The following FAM78B variants were observed in gnomAD, a reference collection of about 807,000 sequenced individuals.
FAM78B encodes the protein protein FAM78B.
A neutral mutation model predicts 20.0 loss-of-function variants in FAM78B; 10 were observed. The observed-to-expected ratio is 0.50, with a 90% confidence interval of 0.31 to 0.85. The LOEUF (loss-of-function observed/expected upper bound fraction) is 0.85. Ranked by LOEUF, FAM78B falls within the 40% of genes least tolerant of loss-of-function variation. FAM78B has a pLI of 0.05. For synonymous variants in FAM78B, 135 were observed against 132.8 expected (o/e 1.02, Z -0.12); for missense variants, 283 against 345.0 (o/e 0.82, Z 1.42).
At chr1:166,150,917 T>A (rs994893621) in intron 1 of FAM78B, among the ~76,000 whole-genome samples, 7 of 152,158 alleles carry the variant, frequency 4.6e-5, no homozygotes, top group Non-Finnish European at 1.0e-4. Flanking sequence ...AGAACTTGTC[T>A]CTACCTATAT....
chr1:166,090,308 C>G (rs980868024), intron 1 of FAM78B, among the ~76,000 whole-genome samples: 1 of 152,190 alleles, frequency 6.6e-6, no homozygotes, highest in Non-Finnish European at 1.5e-5. Flanking sequence ...ATTTTCTAAG[C>G]CTGGTCATCA....
rs1442549124 is a variant in FAM78B at position 166,070,179 on chromosome 1, CT to C, written c.*61del. On this transcript the variant is annotated 3_prime_UTR_variant, in exon 2 of 2. Transcript: ENST00000354422. ...AAACTCTGTTTGGCTCCTGCCACCC[CT>C]GGCACCCTCACTGCATGTCTCAGAG... The C allele has an allele frequency of 1.4e-6, 2 of 1,446,020 alleles. No homozygotes were observed. Among genetic ancestry groups the C allele is most frequent in the South Asian group, 1.8e-5 (1 of 55,932 alleles). The allele number at this position is 1,446,020 out of a possible 1,614,324, so 89.6% of individuals were successfully genotyped here.
intron 1 of FAM78B, among the ~76,000 whole-genome samples, chr1:166,092,334 T>C (rs1571154280): frequency 6.6e-6 from 1 of 152,202 alleles, no homozygotes; most frequent in African/African-American, 2.4e-5. Flanking sequence ...TGTCCTGCCC[T>C]ATGTGCAGCC....
intron 1 of FAM78B, among the ~76,000 whole-genome samples, chr1:166,137,980 G>T (rs562147891): frequency 6.6e-6 from 1 of 152,280 alleles, no homozygotes; most frequent in South Asian, 2.1e-4. Flanking sequence ...GTGGCTGGAG[G>T]CAAAAAATAC....
At chr1:166,139,406 A>G (rs1655194224) in intron 1 of FAM78B, among the ~76,000 whole-genome samples, 2 of 152,222 alleles carry the variant, frequency 1.3e-5, no homozygotes, top group African/African-American at 2.4e-5. Flanking sequence ...GCTATGAACT[A>G]TGCTGAATTT....
chr1:166,060,919 T>C (rs1181674090), intron 2 of FAM78B, among the ~76,000 whole-genome samples: 2 of 152,228 alleles, frequency 1.3e-5, no homozygotes, highest in Non-Finnish European at 2.9e-5. Context: ...AGGTCATTTA[T>C]ATGTGTAACC....
intron 1 of FAM78B, among the ~76,000 whole-genome samples, chr1:166,138,262 C>A (rs1038349056): frequency 6.6e-6 from 1 of 152,118 alleles, no homozygotes; most frequent in Non-Finnish European, 1.5e-5. Flanking sequence ...CCCCAACTCT[C>A]CTGTTCTCTG....
At chr1:166,165,843 G>A (rs998681041) in intron 1 of FAM78B, 143 bp downstream of exon 1, 20 of 901,354 alleles carry the variant, frequency 2.2e-5, no homozygotes, top group Non-Finnish European at 3.4e-5. Context: ...GCGTAGGGAG[G>A]AGGGAGGTGG....
At chr1:166,070,936 A>C (rs1003978158) in intron 1 of FAM78B, among the ~76,000 whole-genome samples, 173 bp from the exon 2 acceptor site, 1 of 152,232 alleles carries the variant, frequency 6.6e-6, no homozygotes. Flanking sequence ...AAATGAGAAC[A>C]AACCAAAATA....
At chr1:166,118,962 A>G (rs567692792) in intron 1 of FAM78B, among the ~76,000 whole-genome samples, 16 of 152,202 alleles carry the variant, frequency 1.1e-4, no homozygotes, top group Non-Finnish European at 2.1e-4. Context: ...GCAGAGGTGA[A>G]GTGACTGGCC....
Position 166,094,780 on chromosome 1 carries a change from G to A in FAM78B, c.264-24017C>T, listed in dbSNP as rs569803559. On this transcript the variant is annotated intron_variant, in intron 1 of 1. Transcript: ENST00000354422. ...TACCAAGTGAGGTTAAGACATGCCGGGAGGGACAAGACAGAACTTCCTTGG... is the reference window on the plus strand; with the variant it reads ...TACCAAGTGAGGTTAAGACATGCCGAGAGGGACAAGACAGAACTTCCTTGG... Among the ~76,000 whole-genome samples the A allele has an allele frequency of 5.9e-5, 9 of 152,294 alleles. No homozygotes were observed. In the Middle Eastern group the frequency reaches 0.014, roughly 230 times the overall value.
chr1:166,109,814 GTATATATATATATA>G (rs201957585), intron 1 of FAM78B, among the ~76,000 whole-genome samples: 2 of 32,648 alleles, frequency 6.1e-5, no homozygotes, highest in African/African-American at 2.0e-4. Context: ...ATGTATATAT[GTATATATATATATA>G]TATGTATATA....
intron 1 of FAM78B, among the ~76,000 whole-genome samples, chr1:166,164,112 C>T (rs902556453): frequency 6.6e-6 from 1 of 152,176 alleles, no homozygotes; most frequent in Non-Finnish European, 1.5e-5. Flanking sequence ...GGAAATAATT[C>T]TGTATTTATA....
At chr1:166,056,742 T>A (rs547218878), downstream of FAM78B, among the ~76,000 whole-genome samples, 4 of 152,348 alleles carry the variant, frequency 2.6e-5, no homozygotes, top group East Asian at 7.7e-4. Context: ...ACGAAAGAGA[T>A]GGAAGGGCAA....
intron 1 of FAM78B, among the ~76,000 whole-genome samples, chr1:166,158,934 T>C (rs1450838626): frequency 1.3e-5 from 2 of 152,236 alleles, no homozygotes; most frequent in African/African-American, 2.4e-5. Context: ...AATAACCAAC[T>C]TATAAATGAC....
At chr1:166,101,755 G>A (rs2101747528) in intron 1 of FAM78B, among the ~76,000 whole-genome samples, 1 of 152,184 alleles carries the variant, frequency 6.6e-6, no homozygotes, top group African/African-American at 2.4e-5. Context: ...AAAGTGACGG[G>A]GAGAATGGAA....
intron 2 of FAM78B, among the ~76,000 whole-genome samples, chr1:166,061,494 C>T (rs953259027): frequency 1.3e-5 from 2 of 152,062 alleles, no homozygotes; most frequent in African/African-American, 4.8e-5. Flanking sequence ...TAGGAGAAAA[C>T]CAAATTTCAA....
At chr1:166,119,659 T>C (rs1219092280) in intron 1 of FAM78B, among the ~76,000 whole-genome samples, 2 of 152,220 alleles carry the variant, frequency 1.3e-5, no homozygotes, top group East Asian at 3.8e-4. Context: ...CTTTACAGTT[T>C]CTGCATTTCC....
chr1:166,162,924 C>T (rs1056511221), intron 1 of FAM78B, among the ~76,000 whole-genome samples: 24 of 152,238 alleles, frequency 1.6e-4, no homozygotes, highest in African/African-American at 5.8e-4. Context: ...TTACCCATAC[C>T]TCAGAGTTCA....
Sources: allele counts gnomAD v4.1 joint callset (sites outside exome capture counted in the v4.1 genomes callset), GRCh38; gene constraint gnomAD v4.1.1; transcripts MANE v1.5; gene names NCBI Gene and HGNC (gene_info 2026-07-23, HGNC 2026-07-21).